CDH12: variants seen among roughly 807,000 people sequenced by gnomAD.
The protein encoded by CDH12 is cadherin 12, also known as cadherin-12.
CDH12 carries 41 observed loss-of-function variants against 74.1 expected under a neutral mutation model. The ratio of observed to expected loss-of-function variants is 0.55; its 90% CI spans 0.43 to 0.72. The LOEUF (loss-of-function observed/expected upper bound fraction) is 0.72. Among genes scored for constraint, CDH12 ranks in the 30% least tolerant of loss-of-function variants. The pLI is 0.00. For synonymous variants in CDH12, 399 were observed against 355.0 expected (o/e 1.12, Z -1.39); for missense variants, 945 against 977.2 (o/e 0.97, Z 0.44).
At chr5:22,677,603 A>C (rs888691107) in intron 1 of CDH12, among the ~76,000 whole-genome samples, 1 of 152,094 alleles carries the variant, frequency 6.6e-6, no homozygotes, top group African/African-American at 2.4e-5. Context: ...GACGAGACAC[A>C]AACATTCAGA....
chr5:22,469,988 T>C (rs1485772180), intron 2 of CDH12, among the ~76,000 whole-genome samples: 1 of 152,208 alleles, frequency 6.6e-6, no homozygotes, highest in Non-Finnish European at 1.5e-5. Context: ...TTCTTCTTTT[T>C]GGGAAAATAT....
At chr5:22,691,597 C>T (rs368103411) in intron 1 of CDH12, among the ~76,000 whole-genome samples, 1 of 152,300 alleles carries the variant, frequency 6.6e-6, no homozygotes, top group East Asian at 1.9e-4. Context: ...AATCTTTCCT[C>T]AAATCTTAGG....
At position 21,782,409 on chromosome 5, in the gene CDH12, TGAA is replaced by T. The variant is rs549282207; in HGVS notation, c.1393+946_1393+948del. On this transcript the variant is annotated intron_variant, in intron 11 of 14. Coordinates refer to ENST00000382254, the MANE Select transcript of CDH12 (RefSeq NM_004061.5). ...ACTATTCATGTTTGTTCGGAGTTGT[TGAA>T]GACAAACAAAACTGTTTGATGTTTA... Among the ~76,000 whole-genome samples, 155 of 152,318 alleles carry T rather than the reference TGAA, an allele frequency of 1.0e-3. 2 individuals are homozygous for T. Among genetic ancestry groups the T allele is most frequent in the Admixed American group, 2.0e-3 (31 of 15,286 alleles).
At position 22,005,576 on chromosome 5, in the gene CDH12, TAA is replaced by T. The variant is rs34608588; in HGVS notation, c.232-30193_232-30192del. Reference sequence around the variant, plus strand: ...ATCTTTCTAATTGTTGTGATCTACTTAAAAAAAAAAAAAACCCACTGGCCATT... The same window carrying T: ...ATCTTTCTAATTGTTGTGATCTACTTAAAAAAAAAAAACCCACTGGCCATT... On this transcript the variant is annotated intron_variant, in intron 5 of 14. Transcript: ENST00000382254. 1.4e-3 allele frequency among the ~76,000 whole-genome samples: 193 copies of T among 142,708 alleles called. 2 individuals are homozygous for T. The highest frequency in any genetic ancestry group is 3.8e-3 in the African/African-American group (151 of 39,252). The allele number at this position is 142,708 out of a possible 152,430, so 93.6% of individuals were successfully genotyped here. A position where few individuals can be genotyped will look rare whatever the true frequency, so the allele number is the denominator to read the frequency against.
At position 22,043,705 on chromosome 5, in the gene CDH12, GA is replaced by G. The variant is rs771576771; in HGVS notation, c.231+34740del. ...GTATAGAAAATCCCAAAAACTCTAT[GA>G]AAAAAAAAAAAACTGTTAGAACTGA... On this transcript the variant is annotated intron_variant, in intron 5 of 14. Coordinates refer to ENST00000382254, the MANE Select transcript of CDH12 (RefSeq NM_004061.5). 3.3e-3 allele frequency among the ~76,000 whole-genome samples: 451 copies of G among 136,722 alleles called. 1 individual carries two copies. The highest frequency in any genetic ancestry group is 9.0e-3 in the African/African-American group (336 of 37,518). 89.7% of individuals were successfully genotyped at this position (136,722 alleles called of 152,430 possible).
At chr5:22,785,197 C>A (rs1290333984) in intron 1 of CDH12, among the ~76,000 whole-genome samples, 1 of 152,052 alleles carries the variant, frequency 6.6e-6, no homozygotes. Context: ...AACCTTTTTT[C>A]TTGCTTCAGG....
intron 1 of CDH12, among the ~76,000 whole-genome samples, chr5:22,669,504 A>ATGTTT (rs1740796041): frequency 6.6e-6 from 1 of 152,182 alleles, no homozygotes; most frequent in Admixed American, 6.5e-5. Context: ...CCAAAAGGCT[A>ATGTTT]CGTTTCCTGG....
At chr5:21,890,964 T>C (rs1752871697) in intron 6 of CDH12, among the ~76,000 whole-genome samples, 1 of 152,050 alleles carries the variant, frequency 6.6e-6, no homozygotes. Flanking sequence ...GTCAACGTTA[T>C]CCAAAGTATA....
At chr5:22,299,923 G>A (rs532041985) in intron 3 of CDH12, among the ~76,000 whole-genome samples, 2 of 152,074 alleles carry the variant, frequency 1.3e-5, no homozygotes, top group African/African-American at 2.4e-5. Context: ...CACTTTTACC[G>A]AAATTAATTC....
chr5:22,614,023 G>T (rs1737556897), intron 1 of CDH12, among the ~76,000 whole-genome samples: 2 of 151,900 alleles, frequency 1.3e-5, no homozygotes, highest in African/African-American at 4.8e-5. Context: ...CACATATTTT[G>T]CTATGCACAT....
chr5:22,822,313 T>C (rs932852791), intron 1 of CDH12, among the ~76,000 whole-genome samples: 2 of 152,140 alleles, frequency 1.3e-5, no homozygotes, highest in African/African-American at 4.8e-5. Context: ...ATTCAGGACA[T>C]AGGCATGGGC....
At chr5:21,786,542 A>G (rs1286597500) in intron 10 of CDH12, among the ~76,000 whole-genome samples, 1 of 152,114 alleles carries the variant, frequency 6.6e-6, no homozygotes, top group East Asian at 1.9e-4. Context: ...TTGACAATTC[A>G]CCTAGTCACC....
In CDH12 at chr5:22,105,048, A is replaced by G. The variant is rs192592066; in HGVS notation, c.-186-26186T>C. 2.0e-5 allele frequency among the ~76,000 whole-genome samples: 3 copies of G among 151,864 alleles called. No homozygotes were observed. In the East Asian group the frequency reaches 5.9e-4, roughly 30 times the overall value. On this transcript the variant is annotated intron_variant, in intron 4 of 14. Coordinates refer to ENST00000382254, the MANE Select transcript of CDH12 (RefSeq NM_004061.5). ...GATATGCTCCCTGTGACTTCACATC[A>G]TCTTTCCCTGCGCGTATGTCTGTCT...
chr5:22,445,226 G>T (rs1744775278), intron 2 of CDH12, among the ~76,000 whole-genome samples: 1 of 152,038 alleles, frequency 6.6e-6, no homozygotes, highest in Non-Finnish European at 1.5e-5. Context: ...GCTGAACCTT[G>T]TTGGGAAAAT....
chr5:22,205,670 C>T (rs1360494739), intron 4 of CDH12, among the ~76,000 whole-genome samples: 2 of 152,042 alleles, frequency 1.3e-5, no homozygotes, highest in Admixed American at 1.3e-4. Flanking sequence ...GAAAGTTGAA[C>T]TGACAAATAA....
rs114243838 is a variant in CDH12, at chr5:22,124,347, A to G, written c.-186-45485T>C. Among the ~76,000 whole-genome samples, 1,191 of 152,034 alleles carry G rather than the reference A, an allele frequency of 7.8e-3. 20 individuals are homozygous for G. The highest frequency in any genetic ancestry group is 0.027 in the African/African-American group (1,123 of 41,460). ...AGCGTGTTAGCCAGGATGGTCTCAA[A>G]GTGCTGATCTCAGTGATCCGCACGA... On this transcript the variant is annotated intron_variant, in intron 4 of 14. Transcript: ENST00000382254.
intron 1 of CDH12, among the ~76,000 whole-genome samples, chr5:22,846,165 G>A (rs554118397): frequency 1.3e-5 from 2 of 152,260 alleles, no homozygotes; most frequent in Non-Finnish European, 2.9e-5. Context: ...TATTTACTGA[G>A]ATAAAGAAGA....
chr5:22,681,928 C>T (rs888171434), intron 1 of CDH12, among the ~76,000 whole-genome samples: 4 of 151,656 alleles, frequency 2.6e-5, no homozygotes, highest in Admixed American at 2.6e-4. Context: ...CTGTATCTGA[C>T]AGTATGACAT....
intron 3 of CDH12, among the ~76,000 whole-genome samples, chr5:22,317,405 A>G (rs1738679276): frequency 1.3e-5 from 2 of 152,172 alleles, no homozygotes. Flanking sequence ...ATTCACAAAT[A>G]TATATTATGC....
Sources: allele counts gnomAD v4.1 joint callset (sites outside exome capture counted in the v4.1 genomes callset), GRCh38; gene constraint gnomAD v4.1.1; transcripts MANE v1.5; gene names NCBI Gene and HGNC (gene_info 2026-07-23, HGNC 2026-07-21).